Variants in TSNARE1 observed in about 807,000 individuals in gnomAD.
TSNARE1 encodes the protein t-SNARE domain-containing protein 1.
TSNARE1 carries 49 observed loss-of-function variants against 62.0 expected under a neutral mutation model. That is an observed-to-expected ratio of 0.79 (90% confidence interval 0.63 to 1.00). The LOEUF is 1.00. Among genes scored for constraint, TSNARE1 ranks in the 50% least tolerant of loss-of-function variants. The probability of loss-of-function intolerance (pLI) is 0.00; values close to 1 mark genes in which losing one functional copy is unlikely to be tolerated. For synonymous variants in TSNARE1, 328 were observed against 294.4 expected, an observed-to-expected ratio of 1.11 and a Z score of -1.17; for missense variants, 755 against 700.1, an observed-to-expected ratio of 1.08 and a Z score of -0.88.
At chr8:142,403,556 G>C (rs946968946), upstream of TSNARE1, 1 of 152,272 alleles carries the variant, frequency 6.6e-6, no homozygotes, top group Non-Finnish European at 1.5e-5. Flanking sequence ...GCAGGCGGCG[G>C]GTCTCGGCCA....
At chr8:142,282,982 A>G (rs1286584404) in intron 11 of TSNARE1, among the ~76,000 whole-genome samples, 7 of 105,436 alleles carry the variant, frequency 6.6e-5, no homozygotes, top group East Asian at 3.0e-4. Flanking sequence ...TCTAAGGGCA[A>G]AGGCGGGGTC....
In TSNARE1 at chr8:142,229,363, G is replaced by A; in HGVS notation, c.*11+110C>T. The stretch of plus-strand genomic sequence containing the variant: ...CGGTAGACAGGTGGATAAATGGGTG[G>A]ATGGATAGATGGATGGATGGTGGAT... On this transcript the variant is annotated intron_variant, in intron 13 of 13. Transcript: ENST00000524325. The A allele has an allele frequency of 3.5e-6, 3 of 868,558 alleles. No homozygotes were observed. In the East Asian group the frequency reaches 7.7e-5, roughly 22 times the overall value. 53.8% of individuals were successfully genotyped at this position (868,558 alleles called of 1,614,324 possible).
intron 6 of TSNARE1, among the ~76,000 whole-genome samples, chr8:142,318,990 C>A (rs10109942): frequency 2.6e-4 from 38 of 148,406 alleles, no homozygotes; most frequent in African/African-American, 6.2e-4. Flanking sequence ...GGGCAGACAC[C>A]CAGCAAGAGA....
intron 12 of TSNARE1, among the ~76,000 whole-genome samples, chr8:142,251,245 G>A (rs750619627): frequency 2.4e-4 from 33 of 136,160 alleles, no homozygotes; most frequent in Non-Finnish European, 4.5e-4. Flanking sequence ...CCTGCACACC[G>A]CAGCCTGCCC....
intron 12 of TSNARE1, among the ~76,000 whole-genome samples, chr8:142,233,978 G>A (rs1382973370): frequency 1.3e-5 from 2 of 152,236 alleles, no homozygotes; most frequent in Non-Finnish European, 2.9e-5. Flanking sequence ...GGAGCTGTGG[G>A]GGGCGGATGA....
intron 10 of TSNARE1, among the ~76,000 whole-genome samples, chr8:142,286,394 AT>A (rs1413131379): frequency 1.8e-4 from 27 of 152,250 alleles, no homozygotes. Flanking sequence ...AAATGAAGCA[AT>A]TAGCATGATC....
chr8:142,218,480 C>T (rs1259118728), intron 13 of TSNARE1, among the ~76,000 whole-genome samples: 1 of 152,216 alleles, frequency 6.6e-6, no homozygotes, highest in African/African-American at 2.4e-5. Context: ...AGTGCCCATC[C>T]CTCAGCTCAC....
intron 12 of TSNARE1, among the ~76,000 whole-genome samples, chr8:142,237,946 C>T (rs559956612): frequency 2.0e-4 from 31 of 152,268 alleles, no homozygotes; most frequent in African/African-American, 7.2e-4. Flanking sequence ...ATCTCCTGTA[C>T]CTCCCGTTTC....
At chr8:142,321,988 A>G (rs1829545532) in intron 6 of TSNARE1, among the ~76,000 whole-genome samples, 1 of 152,230 alleles carries the variant, frequency 6.6e-6, no homozygotes, top group Admixed American at 6.5e-5. Context: ...CCCAGCAGCA[A>G]AAATCTTCAA....
chr8:142,272,721 C>A, intron 12 of TSNARE1: 2 of 968,304 alleles, frequency 2.1e-6, no homozygotes, highest in Non-Finnish European at 2.4e-6. Flanking sequence ...TCCTGACACA[C>A]CGTGGGGAGG....
intron 9 of TSNARE1, among the ~76,000 whole-genome samples, chr8:142,301,701 C>T (rs73368566): frequency 0.088 from 13,383 of 152,192 alleles, 1,423 homozygotes; most frequent in African/African-American, 0.25. Context: ...GAAAAGGCAC[C>T]GAGAATGGGC....
At chr8:142,241,871 C>T (rs111458666) in intron 12 of TSNARE1, among the ~76,000 whole-genome samples, 8 of 146,538 alleles carry the variant, frequency 5.5e-5, no homozygotes, top group South Asian at 4.4e-4. Context: ...GATGGAAGAC[C>T]GACATGTGAG....
chr8:142,258,378 AC>A (rs1486030585), intron 12 of TSNARE1, among the ~76,000 whole-genome samples: 1 of 151,914 alleles, frequency 6.6e-6, no homozygotes, highest in Non-Finnish European at 1.5e-5. Flanking sequence ...TGTAGGTGGA[AC>A]TCAGGGAGTG....
intron 4 of TSNARE1, among the ~76,000 whole-genome samples, chr8:142,333,546 C>T (rs536004071): frequency 3.9e-5 from 6 of 152,298 alleles, no homozygotes; most frequent in South Asian, 2.1e-4. Flanking sequence ...TGAGGTGGCC[C>T]GGCATGAAGG....
intron 13 of TSNARE1, among the ~76,000 whole-genome samples, chr8:142,213,346 T>C (rs79435416): frequency 6.8e-6 from 1 of 147,822 alleles, no homozygotes; most frequent in African/African-American, 2.5e-5. Flanking sequence ...AGCAGGCCAC[T>C]TGCTCCTGAG....
chr8:142,308,007 G>A (rs933399783), intron 9 of TSNARE1, among the ~76,000 whole-genome samples: 10 of 152,188 alleles, frequency 6.6e-5, no homozygotes, highest in African/African-American at 2.2e-4. Flanking sequence ...CACAATCACA[G>A]GCTTATGAGC....
intron 12 of TSNARE1, among the ~76,000 whole-genome samples, chr8:142,237,391 G>A (rs1013871127): frequency 6.6e-6 from 1 of 152,158 alleles, no homozygotes; most frequent in African/African-American, 2.4e-5. Flanking sequence ...GTGGTTTTGT[G>A]GACCTCCCTG....
intron 1 of TSNARE1, among the ~76,000 whole-genome samples, chr8:142,362,816 T>C (rs1405675568): frequency 6.6e-6 from 1 of 152,206 alleles, no homozygotes; most frequent in African/African-American, 2.4e-5. Flanking sequence ...CTCTCTAGCC[T>C]GCTGTGTCCC....
intron 7 of TSNARE1, among the ~76,000 whole-genome samples, chr8:142,318,013 A>G (rs1390998127): frequency 6.6e-6 from 1 of 152,200 alleles, no homozygotes; most frequent in Non-Finnish European, 1.5e-5. Flanking sequence ...GCCCTGGGGC[A>G]GCTGAGCCGG....
Sources: gnomAD v4.1 joint callset for allele counts (sites outside exome capture counted in the v4.1 genomes callset) on GRCh38, gnomAD v4.1.1 for gene constraint, MANE v1.5 for transcripts, NCBI Gene and HGNC (gene_info 2026-07-23, HGNC 2026-07-21) for gene names.